AGMO: variants seen among roughly 807,000 people sequenced by gnomAD.
AGMO encodes glyceryl-ether monooxygenase.
AGMO carries 75 observed loss-of-function variants against 60.2 expected under a neutral mutation model. That is an observed-to-expected ratio of 1.25 (90% CI 1.03 to 1.51). AGMO has a LOEUF of 1.51. Among genes scored for constraint, AGMO ranks in the 40% most tolerant of loss-of-function variants. AGMO has a pLI of 0.00. For synonymous variants in AGMO, 261 were observed against 177.1 expected (o/e 1.47, Z -3.76); for missense variants, 763 against 525.5 (o/e 1.45, Z -4.42).
the AGMO span, among the ~76,000 whole-genome samples, chr7:15,159,272 G>A: frequency 2.0e-5 from 3 of 152,026 alleles, no homozygotes; most frequent in African/African-American, 7.2e-5. Context: ...TTATGATGAG[G>A]CAAACTTTGC....
intron 12 of AGMO, among the ~76,000 whole-genome samples, chr7:15,298,634 T>C (rs908743328): frequency 6.6e-6 from 1 of 152,086 alleles, no homozygotes; most frequent in African/African-American, 2.4e-5. Flanking sequence ...ACCCCTGGGC[T>C]TCAACAATTC....
intron 5 of AGMO, among the ~76,000 whole-genome samples, chr7:15,417,569 T>A (rs564808323): frequency 6.6e-6 from 1 of 152,298 alleles, no homozygotes; most frequent in African/African-American, 2.4e-5. Flanking sequence ...CCGCAACATC[T>A]CTTTCAGATG....
At chr7:15,543,449 G>T (rs923718916) in intron 3 of AGMO, among the ~76,000 whole-genome samples, 1 of 152,166 alleles carries the variant, frequency 6.6e-6, no homozygotes, top group Admixed American at 6.5e-5. Context: ...GGCTTTTGCA[G>T]ATGAGACATT....
intron 2 of AGMO, among the ~76,000 whole-genome samples, chr7:15,550,587 G>A (rs2115296331): frequency 6.6e-6 from 1 of 151,766 alleles, no homozygotes; most frequent in African/African-American, 2.4e-5. Flanking sequence ...TAAATTCCTT[G>A]ACACATACAC....
chr7:15,221,240 A>G (rs1335875316), intron 12 of AGMO, among the ~76,000 whole-genome samples: 11 of 152,144 alleles, frequency 7.2e-5, no homozygotes, highest in South Asian at 4.1e-4. Context: ...CCATGAATCT[A>G]TTCCAGCCCC....
chr7:15,335,172 A>T (rs1781617807), intron 12 of AGMO, among the ~76,000 whole-genome samples: 1 of 152,196 alleles, frequency 6.6e-6, no homozygotes, highest in South Asian at 2.1e-4. Flanking sequence ...AGCTGAAGTG[A>T]TGATGGCATG....
chr7:15,415,253 T>C (rs1583527831), intron 5 of AGMO, among the ~76,000 whole-genome samples: 1 of 151,430 alleles, frequency 6.6e-6, no homozygotes, highest in African/African-American at 2.4e-5. Flanking sequence ...CCCGCCACCA[T>C]GCCCGGCTAA....
At chr7:15,119,046 G>A in the AGMO span, among the ~76,000 whole-genome samples, 57 of 151,218 alleles carry the variant, frequency 3.8e-4, no homozygotes, top group Non-Finnish European at 6.6e-4. Flanking sequence ...AAAATTGATT[G>A]ATATTAATTT....
intron 12 of AGMO, among the ~76,000 whole-genome samples, chr7:15,345,185 T>C (rs1363894110): frequency 6.6e-6 from 1 of 152,198 alleles, no homozygotes; most frequent in African/African-American, 2.4e-5. Flanking sequence ...GAGAACAAAA[T>C]CCCAAGCTCA....
intron 12 of AGMO, among the ~76,000 whole-genome samples, chr7:15,344,092 A>G (rs1195192086): frequency 6.6e-6 from 1 of 152,182 alleles, no homozygotes; most frequent in Non-Finnish European, 1.5e-5. Flanking sequence ...TCCAAGTTTG[A>G]GAGTAAATCA....
intron 2 of AGMO, among the ~76,000 whole-genome samples, chr7:15,559,366 A>G (rs1429486281): frequency 6.6e-6 from 1 of 152,072 alleles, no homozygotes; most frequent in Non-Finnish European, 1.5e-5. Flanking sequence ...ACACAATTCC[A>G]TGGGACTGTA....
intron 12 of AGMO, among the ~76,000 whole-genome samples, chr7:15,322,958 C>A (rs868198374): frequency 8.1e-6 from 1 of 123,908 alleles, no homozygotes; most frequent in Non-Finnish European, 1.7e-5. Context: ...ATATATATAA[C>A]ACGTGTGTGT....
At chr7:15,195,378 G>A (rs1583282499), downstream of AGMO, among the ~76,000 whole-genome samples, 1 of 152,224 alleles carries the variant, frequency 6.6e-6, no homozygotes, top group African/African-American at 2.4e-5. Flanking sequence ...CCCTGGTAAA[G>A]TGCACAGGGT....
intron 12 of AGMO, among the ~76,000 whole-genome samples, chr7:15,211,221 C>T (rs968511807): frequency 5.3e-5 from 8 of 151,846 alleles, no homozygotes; most frequent in Admixed American, 5.3e-4. Flanking sequence ...TATTGACTTA[C>T]TTTTTTAAAT....
At chr7:15,450,291 G>A (rs1781823282) in intron 3 of AGMO, among the ~76,000 whole-genome samples, 2 of 151,756 alleles carry the variant, frequency 1.3e-5, no homozygotes, top group African/African-American at 2.4e-5. Flanking sequence ...ATGGTGGCGG[G>A]CGCATGTAGT....
chr7:15,186,021 A>G, the AGMO span, among the ~76,000 whole-genome samples: 1 of 152,206 alleles, frequency 6.6e-6, no homozygotes, highest in Non-Finnish European at 1.5e-5. Flanking sequence ...TGTAGACTAA[A>G]ACAAATCGAC....
chr7:15,406,922 T>TAC lies in AGMO; in HGVS notation c.609+11634_609+11635dup, dbSNP rs573526404. Among the ~76,000 whole-genome samples the TAC allele has an allele frequency of 6.3e-3, 691 of 109,632 alleles. 6 individuals carry two copies. The highest frequency in any genetic ancestry group is 8.8e-3 in the African/African-American group (243 of 27,730). 71.9% of individuals were successfully genotyped at this position (109,632 alleles called of 152,430 possible). A position where few individuals can be genotyped will look rare whatever the true frequency, so the allele number is the denominator to read the frequency against. ...ACTCAAAAGGCCCCTTTGTTTGGAA[T>TAC]ACACACGCGCACACACACACACACA... On this transcript the variant is annotated intron_variant, in intron 5 of 12. Coordinates refer to ENST00000342526, the MANE Select transcript of AGMO (RefSeq NM_001004320.2).
chr7:15,391,478 G>C (rs1027899207), intron 6 of AGMO, among the ~76,000 whole-genome samples: 2 of 151,766 alleles, frequency 1.3e-5, no homozygotes, highest in African/African-American at 2.4e-5. Flanking sequence ...GCAAATAGCT[G>C]GTCATTATTT....
In AGMO at chr7:15,500,916, T is replaced by C. The variant is rs569035282; in HGVS notation, c.409+43856A>G. Among the ~76,000 whole-genome samples the C allele has an allele frequency of 1.6e-3, 106 of 65,076 alleles. No individual in the cohort carries two copies. In the East Asian group the frequency reaches 0.15, roughly 92 times the overall value. 42.7% of individuals were successfully genotyped at this position (65,076 alleles called of 152,430 possible). ...TTGTTCTCATTAGTTTCAAAGAATGTCTTGATTTTTGTCCCCTTAACTTCA... is the reference window on the plus strand; with the variant it reads ...TTGTTCTCATTAGTTTCAAAGAATGCCTTGATTTTTGTCCCCTTAACTTCA... On this transcript the variant is annotated intron_variant, in intron 3 of 12. Coordinates refer to ENST00000342526, the MANE Select transcript of AGMO (RefSeq NM_001004320.2).
Sources: allele counts gnomAD v4.1 joint callset (sites outside exome capture counted in the v4.1 genomes callset), GRCh38; gene constraint gnomAD v4.1.1; transcripts MANE v1.5; gene names NCBI Gene and HGNC (gene_info 2026-07-23, HGNC 2026-07-21).